Variants in CSMD1 observed in about 807,000 individuals in gnomAD.
The protein encoded by CSMD1 is CUB and Sushi multiple domains 1.
A neutral mutation model predicts 417.5 loss-of-function variants in CSMD1; 213 were observed. The ratio of observed to expected loss-of-function variants is 0.51; its 90% CI spans 0.46 to 0.57. CSMD1 has a LOEUF of 0.57. Ranked by LOEUF, CSMD1 falls within the 20% of genes least tolerant of loss-of-function variation. CSMD1 has a pLI of 0.00. For missense variants in CSMD1, 6,923 were observed against 4,529.7 expected, an observed-to-expected ratio of 1.53 and a Z score of -15.17; for synonymous variants, 2,862 against 1,736.8, an observed-to-expected ratio of 1.65 and a Z score of -16.11.
chr8:3,884,129 A>T (rs1289820827), intron 5 of CSMD1, among the ~76,000 whole-genome samples: 1 of 152,186 alleles, frequency 6.6e-6, no homozygotes, highest in Non-Finnish European at 1.5e-5. Flanking sequence ...GTCAGTTTCG[A>T]ATTTTTATTC....
chr8:4,177,527 A>G (rs914226394), intron 3 of CSMD1, among the ~76,000 whole-genome samples: 17 of 152,280 alleles, frequency 1.1e-4, no homozygotes, highest in African/African-American at 4.1e-4. Flanking sequence ...AGAACTAGAA[A>G]AACAAGAGCA....
chr8:3,744,533 C>T (rs547518973), intron 6 of CSMD1, among the ~76,000 whole-genome samples: 12 of 152,102 alleles, frequency 7.9e-5, no homozygotes, highest in East Asian at 5.8e-4. Flanking sequence ...TCCAAAGATT[C>T]GTTTCTTTAT....
rs931531726 is a variant in CSMD1 at position 4,453,718 on chromosome 8, C to G, written c.303-33653G>C. On this transcript the variant is annotated intron_variant, in intron 2 of 69. Transcript: ENST00000635120. Reference sequence around the variant, plus strand: ...GCTTGGGTATGCACAGGCATCACAGCGGGCTTAACCATCCCCAAACGTAAT... The same window carrying G: ...GCTTGGGTATGCACAGGCATCACAGGGGGCTTAACCATCCCCAAACGTAAT... 4.0e-5 allele frequency among the ~76,000 whole-genome samples: 6 copies of G among 151,268 alleles called. No individual in the cohort carries two copies. The East Asian group carries it at 1.2e-3, about 30-fold the overall frequency.
chr8:3,185,423 T>C (rs1313982906), intron 36 of CSMD1, among the ~76,000 whole-genome samples: 3 of 152,194 alleles, frequency 2.0e-5, no homozygotes. Flanking sequence ...ATCATGCAGC[T>C]GTCTTAATTT....
intron 5 of CSMD1, among the ~76,000 whole-genome samples, chr8:3,829,024 TTTTA>T: frequency 6.6e-6 from 1 of 152,008 alleles, no homozygotes; most frequent in Non-Finnish European, 1.5e-5. Flanking sequence ...CTTTCTTTTT[TTTTA>T]AAAAAATGTA....
chr8:3,969,697 C>T (rs1055805040), intron 5 of CSMD1, among the ~76,000 whole-genome samples: 5 of 152,168 alleles, frequency 3.3e-5, no homozygotes, highest in African/African-American at 1.2e-4. Context: ...ACATGGTTCA[C>T]ACACCAAAGG....
At chr8:3,019,193 C>T (rs1426797089) in intron 51 of CSMD1, among the ~76,000 whole-genome samples, 3 of 152,226 alleles carry the variant, frequency 2.0e-5, no homozygotes, top group South Asian at 2.1e-4. Flanking sequence ...GCTGGGATTA[C>T]AGGCGTGAGC....
rs553036528 is a variant in CSMD1, at chr8:3,926,957, A to G, written c.818+70946T>C. 1.4e-4 allele frequency among the ~76,000 whole-genome samples: 22 copies of G among 151,796 alleles called. 1 individual carries two copies. In the East Asian group the frequency reaches 3.7e-3, roughly 25 times the overall value. ...TCTCAAACTCCTGACATCGTGATCCACCCACCTCGGCCTCCCAAAGTGCTA... is the reference window on the plus strand; with the variant it reads ...TCTCAAACTCCTGACATCGTGATCCGCCCACCTCGGCCTCCCAAAGTGCTA... On this transcript the variant is annotated intron_variant, in intron 5 of 69. Transcript: ENST00000635120.
rs566755642 is a variant in CSMD1, at chr8:4,750,314, T to C, written c.86-112756A>G. 6.0e-4 allele frequency among the ~76,000 whole-genome samples: 92 copies of C among 152,310 alleles called. 1 individual carries two copies. The highest frequency in any genetic ancestry group is 2.0e-3 in the African/African-American group (85 of 41,558). ...AACCACCATGCCCGGCCCTGACTTT[T>C]ACTTTTACTCACCTCTCTAGAAACT... On this transcript the variant is annotated intron_variant, in intron 1 of 69. Coordinates refer to ENST00000635120, the MANE Select transcript of CSMD1 (RefSeq NM_033225.6).
intron 5 of CSMD1, among the ~76,000 whole-genome samples, chr8:3,860,533 G>C (rs954158382): frequency 6.6e-6 from 1 of 152,038 alleles, no homozygotes; most frequent in African/African-American, 2.4e-5. Flanking sequence ...AATTACTCTG[G>C]TGGCCTGGAT....
chr8:3,599,178 TGTGA>T (rs1402966150), intron 8 of CSMD1, among the ~76,000 whole-genome samples: 1 of 150,908 alleles, frequency 6.6e-6, no homozygotes, highest in African/African-American at 2.5e-5. Context: ...TGTGTGTGTG[TGTGA>T]GATGAGGGAT....
rs748646070 is a variant in CSMD1 at position 3,406,035 on chromosome 8, C to A, written c.2258G>T (p.Arg753Leu). 6.2e-7 allele frequency: 1 copy of A among 1,613,390 alleles called. No homozygotes were observed. Among genetic ancestry groups the A allele is most frequent in the South Asian group, 1.1e-5 (1 of 90,996 alleles). ...GGTGGCAGGGACTGCACCTTCACAG[C>A]GGGGCACGGTGGAGCTCCAGACCAC... is the stretch of plus-strand genomic sequence containing the variant. ...GNVVWSSTVP[R>L]CEAPCGGHLT... The change falls in exon 15 of 70, where the codon CGC (arginine) becomes CTC (leucine). Residue 753 changes from arginine (R) to leucine (L), a missense_variant. By Grantham distance (102) the Arg-to-Leu change is moderately radical. Coordinates refer to ENST00000635120, the MANE Select transcript of CSMD1 (RefSeq NM_033225.6).
chr8:3,299,575 C>T (rs201370162), intron 25 of CSMD1, among the ~76,000 whole-genome samples: 7 of 84,930 alleles, frequency 8.2e-5, no homozygotes, highest in African/African-American at 2.3e-4. Context: ...GATAAAAGCA[C>T]GCCACCATAC....
intron 50 of CSMD1, among the ~76,000 whole-genome samples, chr8:3,041,487 T>G (rs1275233763): frequency 6.6e-6 from 1 of 152,236 alleles, no homozygotes; most frequent in Non-Finnish European, 1.5e-5. Flanking sequence ...CTAGGCGTAA[T>G]ATTATCCATA....
intron 23 of CSMD1, among the ~76,000 whole-genome samples, chr8:3,312,559 G>T (rs905092436): frequency 2.6e-5 from 4 of 152,142 alleles, no homozygotes; most frequent in African/African-American, 9.7e-5. Flanking sequence ...CTCCTCGCAG[G>T]ATTTGATGGT....
intron 9 of CSMD1, among the ~76,000 whole-genome samples, chr8:3,580,398 G>C (rs376904795): frequency 9.9e-5 from 15 of 152,160 alleles, no homozygotes; most frequent in East Asian, 7.7e-4. Context: ...GGATACCTGG[G>C]GGGAGGCGGA....
At chr8:3,836,465 G>C (rs146894169) in intron 5 of CSMD1, among the ~76,000 whole-genome samples, 79 of 152,238 alleles carry the variant, frequency 5.2e-4, no homozygotes, top group Middle Eastern at 3.4e-3. Flanking sequence ...GGAAACTGTA[G>C]AGGAGATGTA....
intron 2 of CSMD1, among the ~76,000 whole-genome samples, chr8:4,587,285 G>C (rs1169798437): frequency 2.0e-5 from 3 of 152,076 alleles, no homozygotes; most frequent in Non-Finnish European, 2.9e-5. Context: ...AGTTTGAAGA[G>C]CTTAATGTTC....
intron 1 of CSMD1, among the ~76,000 whole-genome samples, chr8:4,949,757 A>G (rs999658325): frequency 1.3e-5 from 2 of 152,212 alleles, no homozygotes; most frequent in African/African-American, 4.8e-5. Flanking sequence ...TCTTTTCAAA[A>G]AAATTGATAT....
Sources: gnomAD v4.1 joint callset for allele counts (sites outside exome capture counted in the v4.1 genomes callset) on GRCh38, gnomAD v4.1.1 for gene constraint, MANE v1.5 for transcripts, NCBI Gene and HGNC (gene_info 2026-07-23, HGNC 2026-07-21) for gene names.